CC2D2B: variants seen among roughly 807,000 people sequenced by gnomAD.
CC2D2B encodes coiled-coil and C2 domain containing 2B, also known as protein CC2D2B.
Under a neutral mutation model 161.2 loss-of-function variants are expected in CC2D2B, and 128 were observed. The observed-to-expected ratio is 0.79, with a 90% CI of 0.69 to 0.92. CC2D2B has a LOEUF of 0.92. Among genes scored for constraint, CC2D2B ranks in the 40% least tolerant of loss-of-function variants. CC2D2B has a pLI of 0.00. For synonymous variants in CC2D2B, 391 were observed against 449.8 expected (o/e 0.87, Z 1.65); for missense variants, 1,173 against 1,375.1 (o/e 0.85, Z 2.32).
intron 6 of CC2D2B, among the ~76,000 whole-genome samples, chr10:95,929,862 T>C (rs1273554960): frequency 6.6e-6 from 1 of 152,226 alleles, no homozygotes; most frequent in Non-Finnish European, 1.5e-5. Context: ...TGCTTAATAT[T>C]GTCTTGGCTA....
intron 2 of CC2D2B, among the ~76,000 whole-genome samples, chr10:95,914,328 C>T (rs191852693): frequency 1.3e-4 from 20 of 151,502 alleles, no homozygotes; most frequent in African/African-American, 4.1e-4. Context: ...TATGTGTGTG[C>T]GCGTGTGTGT....
chr10:95,933,614 G>T (rs2075691060), intron 6 of CC2D2B, among the ~76,000 whole-genome samples: 1 of 152,142 alleles, frequency 6.6e-6, no homozygotes, highest in African/African-American at 2.4e-5. Flanking sequence ...CTTTCTGTTT[G>T]TTAGTTTTCC....
At chr10:95,999,192 A>G (rs1186821097) in intron 24 of CC2D2B, among the ~76,000 whole-genome samples, 1 of 152,230 alleles carries the variant, frequency 6.6e-6, no homozygotes, top group Non-Finnish European at 1.5e-5. Flanking sequence ...AAAATTAGCC[A>G]TCATAGTCAT....
chr10:95,968,848 C>T lies in CC2D2B; in HGVS notation c.1591C>T (p.Gln531Ter). ...PLQFDFKVMF[Q>*]QIFNIQLMYW... The stretch of plus-strand genomic sequence containing the variant: ...ACAGTTTGATTTTAAAGTCATGTTT[C>T]AGCAAATTTTCAATATTCAGTTAAT... The change falls in exon 15 of 35, where the codon CAG becomes TAG. Residue 531 changes from glutamine to a stop codon, truncating the protein, a stop_gained. Coordinates refer to ENST00000646931, the MANE Select transcript of CC2D2B (RefSeq NM_001349008.3). LOFTEE classifies it high-confidence loss of function. The T allele has an allele frequency of 8.1e-7, 1 of 1,227,992 alleles. No homozygotes were observed. Among genetic ancestry groups the T allele is most frequent in the Non-Finnish European group, 1.0e-6 (1 of 984,400 alleles). 76.1% of individuals were successfully genotyped at this position (1,227,992 alleles called of 1,614,324 possible).
At chr10:95,945,092 A>G (rs1006143327) in intron 9 of CC2D2B, among the ~76,000 whole-genome samples, 4 of 152,368 alleles carry the variant, frequency 2.6e-5, no homozygotes, top group African/African-American at 9.6e-5. Context: ...AAAAAGGTCC[A>G]CACTAGACAT....
In CC2D2B at chr10:95,991,375, A is replaced by C. The variant is rs899539589; in HGVS notation, c.2385A>C (p.Arg795Ser). Reference protein sequence around the residue: ...INSANFLKKVRRLIMKRIVKI... With the variant: ...INSANFLKKVSRLIMKRIVKI... Reference sequence around the variant, plus strand: ...AAATTCTAAATTTTTTTTAGGTGAGAAGGTTGATAATGAAGAGAATTGTTA... The same window carrying C: ...AAATTCTAAATTTTTTTTAGGTGAGCAGGTTGATAATGAAGAGAATTGTTA... The change falls in exon 21 of 35, where the codon AGA (arginine) becomes AGC (serine). Residue 795 changes from arginine to serine, a missense_variant. By Grantham distance (110) the Arg-to-Ser change is moderately radical. Transcript: ENST00000646931. 1.9e-6 allele frequency: 2 copies of C among 1,058,532 alleles called. No homozygotes were observed. The highest frequency in any genetic ancestry group is 2.4e-6 in the Non-Finnish European group (2 of 829,358). 65.6% of individuals were successfully genotyped at this position (1,058,532 alleles called of 1,614,324 possible).
chr10:96,000,089 G>A (rs996473858), intron 24 of CC2D2B: 25 of 1,489,758 alleles, frequency 1.7e-5, no homozygotes, highest in Admixed American at 5.5e-5. Context: ...ACACCTGTGG[G>A]CATTCCTTTT....
chr10:96,025,459 TAGG>T (rs2079730865), intron 33 of CC2D2B, among the ~76,000 whole-genome samples: 1 of 151,076 alleles, frequency 6.6e-6, no homozygotes, highest in Non-Finnish European at 1.5e-5. Flanking sequence ...CATTCTTTGA[TAGG>T]ACAGACTAAG....
At chr10:96,030,229 C>G (rs1232762762) in intron 34 of CC2D2B, among the ~76,000 whole-genome samples, 5 of 151,990 alleles carry the variant, frequency 3.3e-5, no homozygotes. Context: ...TCAGCCAGGC[C>G]ACTGACATCT....
chr10:96,003,254 G>C (rs2141789100), intron 24 of CC2D2B, among the ~76,000 whole-genome samples: 1 of 151,884 alleles, frequency 6.6e-6, no homozygotes, highest in African/African-American at 2.4e-5. Context: ...GGAGCTGAGA[G>C]TGAAAGTTCA....
chr10:96,007,455 GAGCACATC>G (rs2078800880), intron 25 of CC2D2B, among the ~76,000 whole-genome samples: 1 of 152,134 alleles, frequency 6.6e-6, no homozygotes, highest in African/African-American at 2.4e-5. Context: ...ATGCAGTTGA[GAGCACATC>G]AGTCAGAATT....
In CC2D2B at chr10:95,983,594, T is replaced by C. The variant is rs375760448; in HGVS notation, c.2083-12T>C. 7 of 1,201,840 alleles carry C rather than the reference T, an allele frequency of 5.8e-6. No individual in the cohort carries two copies. The highest frequency in any genetic ancestry group is 6.3e-5 in the East Asian group (2 of 31,504). 74.4% of individuals were successfully genotyped at this position (1,201,840 alleles called of 1,614,324 possible). A position where few individuals can be genotyped will look rare whatever the true frequency, so the allele number is the denominator to read the frequency against. ...AAATTAATATTTTAACTAAAGACTT[T>C]GCGTTTTACAGTACATGAGACTTAA... On this transcript the variant is annotated splice_polypyrimidine_tract_variant and intron_variant, in intron 18 of 34. Coordinates refer to ENST00000646931, the MANE Select transcript of CC2D2B (RefSeq NM_001349008.3).
intron 11 of CC2D2B, among the ~76,000 whole-genome samples, chr10:95,956,935 G>A (rs1001420899): frequency 1.3e-5 from 2 of 151,992 alleles, no homozygotes; most frequent in Admixed American, 6.6e-5. Context: ...TCTGAGATTG[G>A]TTAATCTATA....
chr10:95,990,408 T>G (rs1042098612), intron 20 of CC2D2B, among the ~76,000 whole-genome samples: 13 of 152,048 alleles, frequency 8.5e-5, no homozygotes, highest in Non-Finnish European at 1.6e-4. Flanking sequence ...TCTAGGCTGA[T>G]GGAACCCAGC....
At chr10:95,926,860 G>C (rs1028969340) in intron 5 of CC2D2B, among the ~76,000 whole-genome samples, 1 of 136,194 alleles carries the variant, frequency 7.3e-6, no homozygotes, top group Non-Finnish European at 1.6e-5. Flanking sequence ...GTGTGTGTGT[G>C]TGTGTGTGTG....
At chr10:95,964,904 T>C (rs771104030) in intron 12 of CC2D2B, among the ~76,000 whole-genome samples, 5 of 152,164 alleles carry the variant, frequency 3.3e-5, no homozygotes, top group African/African-American at 7.2e-5. Flanking sequence ...TAGGATGTTT[T>C]TGTCACCTCC....
intron 6 of CC2D2B, 47 bp from the exon 7 acceptor site, chr10:95,937,944 A>G (rs2075885070): frequency 2.7e-6 from 3 of 1,120,976 alleles, no homozygotes; most frequent in Admixed American, 2.1e-5. Flanking sequence ...CATATTAATC[A>G]TTGGAGACAA....
intron 1 of CC2D2B, among the ~76,000 whole-genome samples, chr10:95,910,708 C>T (rs1297479997): frequency 6.6e-6 from 1 of 152,198 alleles, no homozygotes; most frequent in Non-Finnish European, 1.5e-5. Context: ...ATTTCCCTGC[C>T]TCCATAGAAT....
chr10:95,963,149 GGCCCCAGCTGGGGTA>G (rs1483716420), intron 12 of CC2D2B, among the ~76,000 whole-genome samples: 1 of 152,164 alleles, frequency 6.6e-6, no homozygotes, highest in African/African-American at 2.4e-5. Flanking sequence ...TCACCAGGCT[GGCCCCAGCTGGGGTA>G]GCCCCAGTGA....
Sources: gnomAD v4.1 joint callset for allele counts (sites outside exome capture counted in the v4.1 genomes callset) on GRCh38, gnomAD v4.1.1 for gene constraint, MANE v1.5 for transcripts, NCBI Gene and HGNC (gene_info 2026-07-23, HGNC 2026-07-21) for gene names.